The following IL3RA variants were observed in gnomAD, a reference collection of about 807,000 sequenced individuals.
The protein encoded by IL3RA is interleukin 3 receptor subunit alpha.
Under a neutral mutation model 52.3 loss-of-function variants are expected in IL3RA, and 73 were observed. That is an observed-to-expected ratio of 1.40 (90% confidence interval 1.16 to 1.70). IL3RA has a LOEUF of 1.70. Ranked by LOEUF, IL3RA falls within the 40% of genes most tolerant of loss-of-function variation. The pLI, the probability that IL3RA is intolerant of heterozygous loss-of-function variation, is 0.00. For synonymous variants in IL3RA, 260 were observed against 194.0 expected (o/e 1.34, Z -2.83); for missense variants, 664 against 504.4 (o/e 1.32, Z -3.03).
In IL3RA at chrX:1,382,426, G is replaced by A. The variant is rs767733607; in HGVS notation, c.1098G>A (p.Glu366=). ...VWEAGKAGLE[E]CLVTEVQVVQ... ...AGGCGGGCAAAGCCGGCCTGGAGGAGTGTCTGGTGACTGAAGTACAGGTCG... is the reference window on the plus strand; with the variant it reads ...AGGCGGGCAAAGCCGGCCTGGAGGAATGTCTGGTGACTGAAGTACAGGTCG... The change falls in exon 12 of 12, where the codon GAG becomes GAA. Residue 366 remains glutamate, a synonymous_variant. Coordinates refer to ENST00000331035, the MANE Select transcript of IL3RA (RefSeq NM_002183.4). 2,232 of 1,613,840 alleles carry A rather than the reference G, an allele frequency of 1.4e-3. 51 individuals are homozygous for A. In the South Asian group the frequency reaches 0.023, roughly 17 times the overall value.
intron 1 of IL3RA, among the ~76,000 whole-genome samples, chrX:1,341,355 G>A (rs1454711267): frequency 1.3e-5 from 2 of 150,490 alleles, no homozygotes; most frequent in African/African-American, 2.4e-5. Context: ...AGATACACAC[G>A]GGCACAAAAA....
chrX:1,377,729 G>C (rs79068790), intron 9 of IL3RA, among the ~76,000 whole-genome samples: 20,040 of 148,198 alleles, frequency 0.14, 1,608 homozygotes, highest in Middle Eastern at 0.26. Context: ...GCAGTGGCGC[G>C]ATCACGGCTC....
chrX:1,349,707 G>A (rs1176528831), intron 4 of IL3RA, among the ~76,000 whole-genome samples: 4 of 151,942 alleles, frequency 2.6e-5, no homozygotes, highest in Non-Finnish European at 5.9e-5. Flanking sequence ...TTGTCGCCCA[G>A]GCTGGAGTGC....
intron 9 of IL3RA, among the ~76,000 whole-genome samples, chrX:1,367,767 GTGAGCGGGGTGCGCGGGC>G (rs1569526955): frequency 8.6e-5 from 12 of 138,976 alleles, no homozygotes; most frequent in Admixed American, 1.4e-4. Context: ...GGTGCGCCGG[GTGAGCGGGGTGCGCGGGC>G]TGAGCGGGGT....
chrX:1,348,909 C>T (rs1413666439), intron 4 of IL3RA, among the ~76,000 whole-genome samples: 2 of 144,536 alleles, frequency 1.4e-5, no homozygotes, highest in Non-Finnish European at 3.0e-5. Flanking sequence ...CTGCCTCACT[C>T]CCTTCCTTCC....
chrX:1,337,310 T>C (rs1406666670), intron 1 of IL3RA, among the ~76,000 whole-genome samples: 1 of 152,168 alleles, frequency 6.6e-6, no homozygotes, highest in African/African-American at 2.4e-5. Flanking sequence ...CTGGTTCAGT[T>C]AGTCAATGAG....
intron 9 of IL3RA, among the ~76,000 whole-genome samples, chrX:1,367,054 G>C (rs1257126942): frequency 4.8e-5 from 1 of 20,992 alleles, no homozygotes; most frequent in Non-Finnish European, 7.2e-5. Context: ...CGGGTGCGCG[G>C]GGTGAGCGGG....
intron 9 of IL3RA, among the ~76,000 whole-genome samples, chrX:1,368,429 A>G (rs1174955492): frequency 6.6e-6 from 1 of 151,804 alleles, no homozygotes; most frequent in Non-Finnish European, 1.5e-5. Flanking sequence ...TACTAAAAAT[A>G]GAAAAATTAG....
In IL3RA at chrX:1,352,229, C is replaced by A; in HGVS notation, c.428C>A (p.Ala143Asp). Residue 143 changes from alanine to aspartate, a missense_variant, in exon 5 of 12, where the codon GCC becomes GAC. Transcript: ENST00000331035. ...DVQYDLYLNVANRRQQYECLH... is the reference protein window; with the variant it reads ...DVQYDLYLNVDNRRQQYECLH... ...CAGTACGACCTGTACTTGAACGTTGCCAAGTAGGTGTGCCCGTGGGCAGAG... is the reference window on the plus strand; with the variant it reads ...CAGTACGACCTGTACTTGAACGTTGACAAGTAGGTGTGCCCGTGGGCAGAG... 2 of 1,613,510 alleles carry A rather than the reference C, an allele frequency of 1.2e-6. No individual in the cohort carries two copies. Among genetic ancestry groups the A allele is most frequent in the Non-Finnish European group, 1.7e-6 (2 of 1,179,686 alleles).
chrX:1,349,949 G>T (rs1412933325), intron 4 of IL3RA, among the ~76,000 whole-genome samples: 3 of 151,980 alleles, frequency 2.0e-5, no homozygotes, highest in Non-Finnish European at 4.4e-5. Context: ...ACTGTGCCGG[G>T]CCTCAATTTA....
intron 6 of IL3RA, among the ~76,000 whole-genome samples, chrX:1,353,223 AC>A (rs763463906): frequency 7.1e-3 from 182 of 25,484 alleles, no homozygotes; most frequent in South Asian, 0.051. Context: ...GGGTAATAGG[AC>A]CCCCCCATCA....
intron 9 of IL3RA, among the ~76,000 whole-genome samples, chrX:1,368,332 C>G (rs2088336916): frequency 6.6e-6 from 1 of 152,098 alleles, no homozygotes; most frequent in Admixed American, 6.6e-5. Context: ...TGCCTGCCAT[C>G]CCAGCACTTT....
At chrX:1,368,104 A>C (rs1201940614) in intron 9 of IL3RA, among the ~76,000 whole-genome samples, 8 of 152,058 alleles carry the variant, frequency 5.3e-5, no homozygotes. Flanking sequence ...CAAAAAATGT[A>C]ACAAATTAGC....
At chrX:1,364,405 C>T (rs1403049103) in intron 8 of IL3RA, among the ~76,000 whole-genome samples, 1 of 151,468 alleles carries the variant, frequency 6.6e-6, no homozygotes, top group African/African-American at 2.4e-5. Context: ...GCAGGAGAAT[C>T]GCTTGAATCT....
chrX:1,353,997 A>G (rs2086402837), intron 6 of IL3RA, among the ~76,000 whole-genome samples: 1 of 107,120 alleles, frequency 9.3e-6, no homozygotes, highest in South Asian at 3.2e-4. Context: ...GGGTCATGGG[A>G]GCCCCCATTG....
chrX:1,352,517 C>T lies in IL3RA; in HGVS notation c.616+11C>T, dbSNP rs184275012. On this transcript the variant is annotated intron_variant, in intron 6 of 11. Transcript: ENST00000331035. Reference sequence around the variant, plus strand: ...TCTTTTCACAGATTGGTGAGTAGCCCGGGACACTCCCTCCCACCCTCAGTT... The same window carrying T: ...TCTTTTCACAGATTGGTGAGTAGCCTGGGACACTCCCTCCCACCCTCAGTT... The T allele has an allele frequency of 1.6e-4, 265 of 1,610,818 alleles. 2 individuals are homozygous for T. In the East Asian group the frequency reaches 2.9e-3, roughly 18 times the overall value.
rs1264526475 is a variant in IL3RA, at chrX:1,367,800, C to CGGGTGAGCGGGGTGCGCG, written c.874+2566_874+2583dup. On this transcript the variant is annotated intron_variant, in intron 9 of 11. Transcript: ENST00000331035. ...GGTGCGCGGGCTGAGCGGGGTGCGC[C>CGGGTGAGCGGGGTGCGCG]GGGTGAGCGGGGTGCGCGGGGTGAG... Among the ~76,000 whole-genome samples the CGGGTGAGCGGGGTGCGCG allele has an allele frequency of 8.0e-3, 636 of 79,512 alleles. 7 individuals are homozygous for CGGGTGAGCGGGGTGCGCG. The highest frequency in any genetic ancestry group is 0.028 in the African/African-American group (582 of 20,500). The allele number at this position is 79,512 out of a possible 152,430, so 52.2% of individuals were successfully genotyped here. A position where few individuals can be genotyped will look rare whatever the true frequency, so the allele number is the denominator to read the frequency against.
intron 6 of IL3RA, among the ~76,000 whole-genome samples, chrX:1,354,218 C>G (rs1247689698): frequency 6.6e-6 from 1 of 152,158 alleles, no homozygotes; most frequent in Non-Finnish European, 1.5e-5. Context: ...TCAGCCCACG[C>G]CAGTCACCTC....
In IL3RA at chrX:1,378,779, G is replaced by T. The variant is rs372364047; in HGVS notation, c.980+15G>T. The T allele has an allele frequency of 3.1e-6, 5 of 1,599,924 alleles. No homozygotes were observed. The highest frequency in any genetic ancestry group is 1.1e-5 in the South Asian group (1 of 90,766). On this transcript the variant is annotated intron_variant, in intron 10 of 11. Transcript: ENST00000331035. ...ATCTGCAGAAGGTGAGCCCTCGAGG[G>T]CGTCCGCGAGCGTCGCTTGTTTCCA...
Sources: allele counts gnomAD v4.1 joint callset (sites outside exome capture counted in the v4.1 genomes callset), GRCh38; gene constraint gnomAD v4.1.1; transcripts MANE v1.5; gene names NCBI Gene and HGNC (gene_info 2026-07-23, HGNC 2026-07-21).